The following GMDS variants were observed in gnomAD, a reference collection of about 807,000 sequenced individuals.
GMDS encodes GDP-mannose 4,6-dehydratase, also known as GDP-mannose 4,6 dehydratase.
Under a neutral mutation model 49.9 loss-of-function variants are expected in GMDS, and 20 were observed. That is an observed-to-expected ratio of 0.40 (90% CI 0.28 to 0.58). The LOEUF is 0.58. Among genes scored for constraint, GMDS ranks in the 20% least tolerant of loss-of-function variants. The pLI is 0.42. For synonymous variants in GMDS, 177 were observed against 178.6 expected, an observed-to-expected ratio of 0.99 and a Z score of 0.07; for missense variants, 362 against 481.4, an observed-to-expected ratio of 0.75 and a Z score of 2.32.
At chr6:1,924,889 T>C (rs1761914353) in intron 7 of GMDS, among the ~76,000 whole-genome samples, 1 of 151,888 alleles carries the variant, frequency 6.6e-6, no homozygotes, top group African/African-American at 2.4e-5. Context: ...AAAAATATTT[T>C]AAAAGTTTGA....
chr6:1,906,100 C>T (rs953530357), intron 7 of GMDS, among the ~76,000 whole-genome samples: 12 of 152,102 alleles, frequency 7.9e-5, no homozygotes, highest in Non-Finnish European at 1.3e-4. Context: ...ACAAGTATTA[C>T]TGTAACTGTT....
chr6:2,122,450 C>T (rs539284067), intron 2 of GMDS, among the ~76,000 whole-genome samples: 2 of 152,130 alleles, frequency 1.3e-5, no homozygotes, highest in African/African-American at 4.8e-5. Context: ...TAATAAAATA[C>T]GTCCCTCTCT....
At chr6:1,822,331 A>G (rs923152037) in intron 7 of GMDS, among the ~76,000 whole-genome samples, 4 of 152,260 alleles carry the variant, frequency 2.6e-5, no homozygotes, top group South Asian at 2.1e-4. Flanking sequence ...ACACATTTAG[A>G]AACTCATCAT....
At chr6:2,138,684 C>A (rs1261615426) in intron 1 of GMDS, among the ~76,000 whole-genome samples, 1 of 152,152 alleles carries the variant, frequency 6.6e-6, no homozygotes, top group Non-Finnish European at 1.5e-5. Context: ...TTATAAGTTA[C>A]ACGGTCTCAG....
In GMDS at chr6:2,009,230, T is replaced by C. The variant is rs529852977; in HGVS notation, c.346-48264A>G. ...TGCCTCTACATTCTGTATTTCCTGA[T>C]TGACATTTGGTTAAACCATGAAGAA... On this transcript the variant is annotated intron_variant, in intron 4 of 10. Coordinates refer to ENST00000380815, the MANE Select transcript of GMDS (RefSeq NM_001500.4). Among the ~76,000 whole-genome samples, 374 of 152,328 alleles carry C rather than the reference T, an allele frequency of 2.5e-3. 1 individual carries two copies. Among genetic ancestry groups the C allele is most frequent in the African/African-American group, 8.7e-3 (363 of 41,578 alleles).
intron 9 of GMDS, among the ~76,000 whole-genome samples, chr6:1,634,524 G>C (rs1403412045): frequency 6.6e-6 from 1 of 152,012 alleles, no homozygotes; most frequent in Non-Finnish European, 1.5e-5. Flanking sequence ...TCTCTCTCTG[G>C]GTGTGTCTCT....
rs74476710 is a variant in GMDS at position 2,206,276 on chromosome 6, G to A, written c.102+39045C>T. ...TCCATCTCAAGAAAAAAAAAAGCCCGGACATCCAACTCTGAAATGAGTTTT... is the reference window on the plus strand; with the variant it reads ...TCCATCTCAAGAAAAAAAAAAGCCCAGACATCCAACTCTGAAATGAGTTTT... On this transcript the variant is annotated intron_variant, in intron 1 of 10. Coordinates refer to ENST00000380815, the MANE Select transcript of GMDS (RefSeq NM_001500.4). 4.8e-3 allele frequency among the ~76,000 whole-genome samples: 727 copies of A among 151,668 alleles called. 3 individuals carry two copies. The highest frequency in any genetic ancestry group is 8.2e-3 in the Non-Finnish European group (557 of 67,818).
chr6:2,024,836 C>G (rs1215671581), intron 4 of GMDS, among the ~76,000 whole-genome samples: 1 of 151,676 alleles, frequency 6.6e-6, no homozygotes, highest in Non-Finnish European at 1.5e-5. Flanking sequence ...AAAAAAATAC[C>G]TAATTATCAC....
chr6:2,235,174 G>A (rs1318801432), intron 1 of GMDS, among the ~76,000 whole-genome samples: 1 of 152,150 alleles, frequency 6.6e-6, no homozygotes. Context: ...TGTACACAAA[G>A]GTGCCACAGC....
At chr6:2,173,699 T>G (rs1455310768) in intron 1 of GMDS, among the ~76,000 whole-genome samples, 1 of 152,186 alleles carries the variant, frequency 6.6e-6, no homozygotes, top group Non-Finnish European at 1.5e-5. Flanking sequence ...GTTCTGATAA[T>G]CAAGAGTCAA....
intron 7 of GMDS, among the ~76,000 whole-genome samples, chr6:1,873,689 T>C (rs1758886694): frequency 6.6e-6 from 1 of 152,194 alleles, no homozygotes; most frequent in Non-Finnish European, 1.5e-5. Flanking sequence ...GTGCACTAAA[T>C]TTTTAAGCAG....
intron 1 of GMDS, among the ~76,000 whole-genome samples, chr6:2,203,743 C>T (rs1237034784): frequency 6.6e-6 from 1 of 152,132 alleles, no homozygotes; most frequent in Non-Finnish European, 1.5e-5. Flanking sequence ...ATAACTCTAC[C>T]AGGTTTTCTT....
At chr6:1,634,962 G>A (rs1763100090) in intron 9 of GMDS, among the ~76,000 whole-genome samples, 1 of 152,180 alleles carries the variant, frequency 6.6e-6, no homozygotes, top group Non-Finnish European at 1.5e-5. Context: ...TCATCTGAAT[G>A]AGAACGTTTT....
At chr6:1,827,078 ATGTGTGTGTGTGTGTG>A (rs111813765) in intron 7 of GMDS, among the ~76,000 whole-genome samples, 6 of 125,230 alleles carry the variant, frequency 4.8e-5, no homozygotes, top group South Asian at 2.7e-4. Context: ...AAAAATATAT[ATGTGTGTGTGTGTGTG>A]TGTGTGTGTG....
At chr6:1,694,009 T>G (rs1256175170) in intron 9 of GMDS, among the ~76,000 whole-genome samples, 9 of 152,110 alleles carry the variant, frequency 5.9e-5, no homozygotes, top group African/African-American at 2.2e-4. Context: ...TGAAAACAAG[T>G]TTCTCCAATT....
At chr6:2,055,436 T>C (rs1376090532) in intron 4 of GMDS, among the ~76,000 whole-genome samples, 1 of 152,120 alleles carries the variant, frequency 6.6e-6, no homozygotes, top group Non-Finnish European at 1.5e-5. Flanking sequence ...CACCTAATCG[T>C]TGGCTGGTCC....
At chr6:1,637,919 C>T (rs976067540) in intron 9 of GMDS, among the ~76,000 whole-genome samples, 2 of 152,186 alleles carry the variant, frequency 1.3e-5, no homozygotes, top group African/African-American at 2.4e-5. Flanking sequence ...TGGATTCAAA[C>T]CCAGGCTTAT....
chr6:1,846,080 CTTT>C (rs11298909), intron 7 of GMDS, among the ~76,000 whole-genome samples: 2 of 121,658 alleles, frequency 1.6e-5, no homozygotes, highest in African/African-American at 3.1e-5. Context: ...CACCATGTTT[CTTT>C]TTTTTTTTTT....
At chr6:1,714,335 T>TA (rs1766094825) in intron 9 of GMDS, among the ~76,000 whole-genome samples, 1 of 151,984 alleles carries the variant, frequency 6.6e-6, no homozygotes, top group South Asian at 2.1e-4. Context: ...TTCAGAAATT[T>TA]AAAAAATGTT....
Sources: gnomAD v4.1 joint callset for allele counts (sites outside exome capture counted in the v4.1 genomes callset) on GRCh38, gnomAD v4.1.1 for gene constraint, MANE v1.5 for transcripts, NCBI Gene and HGNC (gene_info 2026-07-23, HGNC 2026-07-21) for gene names.